The following SDR42E1 variants were observed in gnomAD, a reference collection of about 807,000 sequenced individuals.
SDR42E1 encodes the protein short-chain dehydrogenase/reductase family 42E member 1.
SDR42E1 carries 5 observed loss-of-function variants against 2.6 expected under a neutral mutation model. The ratio of observed to expected loss-of-function variants is 1.94; its 90% CI spans 1.01 to 4.08. The LOEUF (loss-of-function observed/expected upper bound fraction) is 4.08, where lower values mean the gene tolerates loss of function less well. Among genes scored for constraint, SDR42E1 ranks in the 30% most tolerant of loss-of-function variants. SDR42E1 has a pLI of 0.00. For synonymous variants in SDR42E1, 231 were observed against 188.3 expected (o/e 1.23, Z -1.86); for missense variants, 596 against 478.6 (o/e 1.25, Z -2.29).
Position 81,997,721 on chromosome 16 carries a change from G to T in SDR42E1, c.*1390C>A, listed in dbSNP as rs551542672. On this transcript the variant is annotated 3_prime_UTR_variant, in exon 3 of 3. Coordinates refer to ENST00000328945, the MANE Select transcript of SDR42E1 (RefSeq NM_145168.3). ...TTATGCTCCCAGTGAACCCTATGGG[G>T]TGGGTGGGTTTATACAAAGGGCAAA... 5 of 152,202 alleles carry T rather than the reference G, an allele frequency of 3.3e-5. No individual in the cohort carries two copies. The highest frequency in any genetic ancestry group is 6.5e-5 in the Admixed American group (1 of 15,282). The allele number at this position is 152,202 out of a possible 1,614,324, so 9.4% of individuals were successfully genotyped here.
At position 81,999,146 on chromosome 16, in the gene SDR42E1, T is replaced by C. The variant is rs1411897921; in HGVS notation, c.1147A>G (p.Met383Val). The stretch of plus-strand genomic sequence containing the variant: ...AGAATCACAGAAGAAGGCAGCCACA[T>C]GAGAACTGCTATAATCAGGAGGAAG... Reference protein sequence around the residue: ...LVFLLIIAVLMWLPSSVILSL With the variant: ...LVFLLIIAVLVWLPSSVILSL The change falls in exon 3 of 3, where the codon ATG becomes GTG. Residue 383 changes from methionine (M) to valine (V), a missense_variant. Met to Val is a conservative substitution (Grantham distance 21, BLOSUM62 1). Transcript: ENST00000328945. 4 of 1,613,668 alleles carry C rather than the reference T, an allele frequency of 2.5e-6. No individual in the cohort carries two copies. Among genetic ancestry groups the C allele is most frequent in the African/African-American group, 1.3e-5 (1 of 74,904 alleles).
At chr16:82,001,980 A>ACG (rs1912781822) in intron 1 of SDR42E1, among the ~76,000 whole-genome samples, 1 of 150,988 alleles carries the variant, frequency 6.6e-6, no homozygotes, top group African/African-American at 2.5e-5. Context: ...ACACACACAC[A>ACG]CACACACACA....
rs1912709799 is a variant in SDR42E1 at position 82,000,210 on chromosome 16, A to C, written c.83T>G (p.Leu28Arg). The C allele has an allele frequency of 6.2e-7, 1 of 1,607,272 alleles. No individual in the cohort carries two copies. The highest frequency in any genetic ancestry group is 8.5e-7 in the Non-Finnish European group (1 of 1,177,290). ...AATCACATGGACTCCATTTTGGTTC[A>C]GGGCACAGCCCAGGCTGAAATAAGA... Reference protein sequence around the residue: ...GYFGFRLGCALNQNGVHVILF... With the variant: ...GYFGFRLGCARNQNGVHVILF... Residue 28 changes from leucine to arginine, a missense_variant, in exon 3 of 3, where the codon CTG (leucine) becomes CGG (arginine). Coordinates refer to ENST00000328945, the MANE Select transcript of SDR42E1 (RefSeq NM_145168.3).
Position 81,998,489 on chromosome 16 carries a change from A to G in SDR42E1, c.*622T>C, listed in dbSNP as rs1912605646. On this transcript the variant is annotated 3_prime_UTR_variant, in exon 3 of 3. Coordinates refer to ENST00000328945, the MANE Select transcript of SDR42E1 (RefSeq NM_145168.3). ...AGGAGCGCTTTGTATGCTTGAATTT[A>G]ATCCTCAAAAGAATCCTATGAGGTA... 1 of 152,670 alleles carries G rather than the reference A, an allele frequency of 6.6e-6. No individual in the cohort carries two copies. The highest frequency in any genetic ancestry group is 6.5e-5 in the Admixed American group (1 of 15,316). 9.5% of individuals were successfully genotyped at this position (152,670 alleles called of 1,614,324 possible).
intron 1 of SDR42E1, 58 bp downstream of exon 1, chr16:82,011,329 G>C (rs1275114078): frequency 6.6e-6 from 1 of 152,242 alleles, no homozygotes; most frequent in Non-Finnish European, 1.5e-5. Flanking sequence ...AGGCCGAGGC[G>C]GTCCAGGGTC....
rs1912433255 is a variant in SDR42E1 at position 81,991,737 on chromosome 16, G to A, written c.*7374C>T. The A allele has an allele frequency of 6.6e-6, 1 of 151,634 alleles. No individual in the cohort carries two copies. The highest frequency in any genetic ancestry group is 1.5e-5 in the Non-Finnish European group (1 of 68,054). 9.4% of individuals were successfully genotyped at this position (151,634 alleles called of 1,614,324 possible). ...AAAAAAAAAAAAAAATTTGGTCTTG[G>A]ATTCAAGTAAACCTGGCTCAAATTT... On this transcript the variant is annotated 3_prime_UTR_variant, in exon 3 of 3. Coordinates refer to ENST00000328945, the MANE Select transcript of SDR42E1 (RefSeq NM_145168.3).
rs1912441361 is a variant in SDR42E1, at chr16:81,992,123, T to G, written c.*6988A>C. On this transcript the variant is annotated 3_prime_UTR_variant, in exon 3 of 3. Coordinates refer to ENST00000328945, the MANE Select transcript of SDR42E1 (RefSeq NM_145168.3). The stretch of plus-strand genomic sequence containing the variant: ...GTGAGCTGAGATCACGCCATTGCAC[T>G]CCAGCCTGGGCAACAAGAGCAAAAC... The G allele has an allele frequency of 6.6e-6, 1 of 151,794 alleles. No individual in the cohort carries two copies. The highest frequency in any genetic ancestry group is 1.5e-5 in the Non-Finnish European group (1 of 68,054). The allele number at this position is 151,794 out of a possible 1,614,324, so 9.4% of individuals were successfully genotyped here.
In SDR42E1 at chr16:81,988,973, A is replaced by G. The variant is rs547066069; in HGVS notation, c.*10138T>C. On this transcript the variant is annotated 3_prime_UTR_variant, in exon 3 of 3. Coordinates refer to ENST00000328945, the MANE Select transcript of SDR42E1 (RefSeq NM_145168.3). Reference sequence around the variant, plus strand: ...TACAAAATGAGATTTTTTCCCCTCAAAATCAGTTCACAATAACTTCTAATA... The same window carrying G: ...TACAAAATGAGATTTTTTCCCCTCAGAATCAGTTCACAATAACTTCTAATA... The G allele has an allele frequency of 4.6e-5, 7 of 152,236 alleles. No individual in the cohort carries two copies. The highest frequency in any genetic ancestry group is 8.8e-5 in the Non-Finnish European group (6 of 68,042). 9.4% of individuals were successfully genotyped at this position (152,236 alleles called of 1,614,324 possible). A position where few individuals can be genotyped will look rare whatever the true frequency, so the allele number is the denominator to read the frequency against.
At chr16:82,006,864 T>G (rs1912956583) in intron 1 of SDR42E1, among the ~76,000 whole-genome samples, 1 of 151,972 alleles carries the variant, frequency 6.6e-6, no homozygotes, top group Non-Finnish European at 1.5e-5. Context: ...GGGCATAGAG[T>G]TAAGTGAAAA....
chr16:82,001,274 C>T (rs1912749828), intron 1 of SDR42E1, among the ~76,000 whole-genome samples: 1 of 152,126 alleles, frequency 6.6e-6, no homozygotes. Context: ...CCCCCCCATG[C>T]ATCAGAAAAT....
Position 81,995,144 on chromosome 16 carries a change from A to C in SDR42E1, c.*3967T>G, listed in dbSNP as rs1912513558. The C allele has an allele frequency of 6.6e-6, 1 of 152,186 alleles. No individual in the cohort carries two copies. The highest frequency in any genetic ancestry group is 2.4e-5 in the African/African-American group (1 of 41,416). 9.4% of individuals were successfully genotyped at this position (152,186 alleles called of 1,614,324 possible). A position where few individuals can be genotyped will look rare whatever the true frequency, so the allele number is the denominator to read the frequency against. ...TCCAATACAGGGCTCCTTGTTGCTC[A>C]CACATCCTTCCTTCATTGCGACCCT... On this transcript the variant is annotated 3_prime_UTR_variant, in exon 3 of 3. Coordinates refer to ENST00000328945, the MANE Select transcript of SDR42E1 (RefSeq NM_145168.3).
rs2143842673 is a variant in SDR42E1, at chr16:81,998,883, A to C, written c.*228T>G. On this transcript the variant is annotated 3_prime_UTR_variant, in exon 3 of 3. Coordinates refer to ENST00000328945, the MANE Select transcript of SDR42E1 (RefSeq NM_145168.3). Reference sequence around the variant, plus strand: ...CTTCTATTGTACCCACCTAAAACAGAAGCACATAACAAATCAAATTTCAAA... The same window carrying C: ...CTTCTATTGTACCCACCTAAAACAGCAGCACATAACAAATCAAATTTCAAA... The C allele has an allele frequency of 1.8e-6, 1 of 567,940 alleles. No individual in the cohort carries two copies. Among genetic ancestry groups the C allele is most frequent in the Non-Finnish European group, 3.1e-6 (1 of 325,882 alleles). 35.2% of individuals were successfully genotyped at this position (567,940 alleles called of 1,614,324 possible).
rs1372682433 is a variant in SDR42E1 at position 81,999,796 on chromosome 16, G to C, written c.497C>G (p.Ala166Gly). 1.2e-6 allele frequency: 2 copies of C among 1,614,074 alleles called. No homozygotes were observed. Among genetic ancestry groups the C allele is most frequent in the African/African-American group, 2.7e-5 (2 of 74,930 alleles). ...GCCTCTGTCCAGGGGTGTAGCATTC[G>C]CCTCCAGCACCTTCTGCTCTGCAAT... Reference protein sequence around the residue: ...KSIAEQKVLEANATPLDRGDG... With the variant: ...KSIAEQKVLEGNATPLDRGDG... Residue 166 changes from alanine to glycine, a missense_variant, in exon 3 of 3, where the codon GCG becomes GGG. By Grantham distance (60) the Ala-to-Gly change is moderately conservative (BLOSUM62 0). Coordinates refer to ENST00000328945, the MANE Select transcript of SDR42E1 (RefSeq NM_145168.3).
intron 1 of SDR42E1, among the ~76,000 whole-genome samples, chr16:82,006,340 G>T (rs1260789047): frequency 1.3e-5 from 2 of 152,208 alleles, no homozygotes; most frequent in Admixed American, 6.5e-5. Flanking sequence ...ATATATTCAT[G>T]CTAGAGGGCT....
In SDR42E1 at chr16:81,993,040, T is replaced by G. The variant is rs1199643950; in HGVS notation, c.*6071A>C. ...CCTTTGGCTCAAGAAAAAGAGGCTC[T>G]AGGTTGGCTGGAAAAGTCAGCACTG... On this transcript the variant is annotated 3_prime_UTR_variant, in exon 3 of 3. Transcript: ENST00000328945. 2 of 152,292 alleles carry G rather than the reference T, an allele frequency of 1.3e-5. No homozygotes were observed. Among genetic ancestry groups the G allele is most frequent in the East Asian group, 3.9e-4 (2 of 5,172 alleles). 9.4% of individuals were successfully genotyped at this position (152,292 alleles called of 1,614,324 possible).
chr16:81,996,937 G>C lies in SDR42E1; in HGVS notation c.*2174C>G, dbSNP rs1474150669. 1 of 152,258 alleles carries C rather than the reference G, an allele frequency of 6.6e-6. No homozygotes were observed. Among genetic ancestry groups the C allele is most frequent in the Admixed American group, 6.5e-5 (1 of 15,278 alleles). The allele number at this position is 152,258 out of a possible 1,614,324, so 9.4% of individuals were successfully genotyped here. A position where few individuals can be genotyped will look rare whatever the true frequency, so the allele number is the denominator to read the frequency against. On this transcript the variant is annotated 3_prime_UTR_variant, in exon 3 of 3. Coordinates refer to ENST00000328945, the MANE Select transcript of SDR42E1 (RefSeq NM_145168.3). ...AACGACAGTGCATGGCTGTGGCTGT[G>C]AGTATAAAATCTTTTTAAGATCTCA...
At chr16:82,005,255 C>T (rs1405492687) in intron 1 of SDR42E1, among the ~76,000 whole-genome samples, 2 of 152,174 alleles carry the variant, frequency 1.3e-5, no homozygotes, top group Non-Finnish European at 2.9e-5. Context: ...CCTGCCAGGC[C>T]TAGTGATGCT....
At chr16:82,008,704 A>G (rs1299171393) in intron 1 of SDR42E1, among the ~76,000 whole-genome samples, 1 of 152,222 alleles carries the variant, frequency 6.6e-6, no homozygotes, top group African/African-American at 2.4e-5. Flanking sequence ...AAAAATTTGC[A>G]GCCTAATGAT....
chr16:82,011,226 G>A (rs973063205), intron 1 of SDR42E1, among the ~76,000 whole-genome samples, 161 bp downstream of exon 1: 2 of 152,204 alleles, frequency 1.3e-5, no homozygotes, highest in African/African-American at 4.8e-5. Context: ...CCTGGGATCA[G>A]GAAGACATCT....
Sources: allele counts gnomAD v4.1 joint callset (sites outside exome capture counted in the v4.1 genomes callset), GRCh38; gene constraint gnomAD v4.1.1; transcripts MANE v1.5; gene names NCBI Gene and HGNC (gene_info 2026-07-23, HGNC 2026-07-21).